The following SLC38A9 variants were observed in gnomAD, a reference collection of about 807,000 sequenced individuals.
SLC38A9 encodes the protein neutral amino acid transporter 9.
In SLC38A9, 48 loss-of-function variants were observed where a neutral mutation model predicts 62.3. That is an observed-to-expected ratio of 0.77 (90% CI 0.61 to 0.98). The LOEUF (loss-of-function observed/expected upper bound fraction) is 0.98, where lower values mean the gene tolerates loss of function less well. SLC38A9 is among the 50% of genes least tolerant of loss of function. The pLI, the probability that SLC38A9 is intolerant of heterozygous loss-of-function variation, is 0.00. For missense variants in SLC38A9, 541 were observed against 679.8 expected, an observed-to-expected ratio of 0.80 and a Z score of 2.27; for synonymous variants, 204 against 227.7, an observed-to-expected ratio of 0.90 and a Z score of 0.94.
At chr5:55,696,301 T>A (rs867365427) in intron 3 of SLC38A9, 1 of 5,478 alleles carries the variant, frequency 1.8e-4, no homozygotes, top group African/African-American at 4.3e-4. Flanking sequence ...GGGGGGCTGA[T>A]CCCCCCACCT....
At chr5:55,639,781 G>A (rs1745106590) in intron 12 of SLC38A9, among the ~76,000 whole-genome samples, 2 of 152,106 alleles carry the variant, frequency 1.3e-5, no homozygotes, top group South Asian at 2.1e-4. Flanking sequence ...CAAAAAGAGA[G>A]TATATATATT....
chr5:55,709,737 T>G (rs1323457676), intron 2 of SLC38A9, among the ~76,000 whole-genome samples: 1 of 152,180 alleles, frequency 6.6e-6, no homozygotes, highest in Non-Finnish European at 1.5e-5. Context: ...TGTATGTAAC[T>G]GAAATATATA....
intron 14 of SLC38A9, among the ~76,000 whole-genome samples, chr5:55,629,995 C>A (rs1271090645): frequency 6.6e-6 from 1 of 151,860 alleles, no homozygotes; most frequent in African/African-American, 2.4e-5. Context: ...ATCATGCATG[C>A]GTAAAAGATC....
intron 3 of SLC38A9, chr5:55,696,783 G>A (rs1435255506): frequency 1.9e-5 from 3 of 156,446 alleles, no homozygotes; most frequent in African/African-American, 7.4e-5. Context: ...CTGCCGGGTG[G>A]AGAGGCTCCT....
intron 2 of SLC38A9, among the ~76,000 whole-genome samples, chr5:55,703,528 C>T (rs1756922859): frequency 6.6e-6 from 1 of 152,076 alleles, no homozygotes; most frequent in African/African-American, 2.4e-5. Context: ...ATAATTGTTA[C>T]AAAAATCCCA....
chr5:55,678,658 T>TG lies in SLC38A9; in HGVS notation c.114-5964_114-5963insC, dbSNP rs1561397928. ...GACTGAAATGAACTTTTTTTTTTTT[T>TG]TTTTTTTTTTTTTTTTGAGACAGGG... On this transcript the variant is annotated intron_variant, in intron 3 of 15. Transcript: ENST00000396865. Among the ~76,000 whole-genome samples the TG allele has an allele frequency of 3.5e-4, 48 of 136,672 alleles. 1 individual carries two copies. Among genetic ancestry groups the TG allele is most frequent in the African/African-American group, 8.5e-4 (31 of 36,614 alleles). 89.7% of individuals were successfully genotyped at this position (136,672 alleles called of 152,430 possible). A position where few individuals can be genotyped will look rare whatever the true frequency, so the allele number is the denominator to read the frequency against.
chr5:55,683,701 T>C (rs1753367142), intron 3 of SLC38A9, among the ~76,000 whole-genome samples: 1 of 152,208 alleles, frequency 6.6e-6, no homozygotes, highest in Non-Finnish European at 1.5e-5. Flanking sequence ...CTTTGTGACA[T>C]TCACCCATAT....
At position 55,656,744 on chromosome 5, in the gene SLC38A9, G is replaced by T; in HGVS notation, c.728C>A (p.Thr243Asn). Residue 243 changes from threonine to asparagine, a missense_variant, in exon 9 of 16, where the codon ACT becomes AAT. Coordinates refer to ENST00000396865, the MANE Select transcript of SLC38A9 (RefSeq NM_173514.4). Reference protein sequence around the residue: ...NFIHHINDTDTILSTNNSNPV... With the variant: ...NFIHHINDTDNILSTNNSNPV... ...GTTGCTATTATTGGTACTCAGTATAGTGTCTGTGTCATTAATGTGATGAAT... is the reference window on the plus strand; with the variant it reads ...GTTGCTATTATTGGTACTCAGTATATTGTCTGTGTCATTAATGTGATGAAT... The T allele has an allele frequency of 3.1e-6, 5 of 1,592,338 alleles. No homozygotes were observed. Among genetic ancestry groups the T allele is most frequent in the Non-Finnish European group, 4.3e-6 (5 of 1,165,044 alleles).
chr5:55,643,599 T>C (rs911016259), intron 12 of SLC38A9, among the ~76,000 whole-genome samples: 2 of 152,238 alleles, frequency 1.3e-5, no homozygotes, highest in African/African-American at 4.8e-5. Context: ...AATCTATTTG[T>C]TCTATCAATT....
At chr5:55,641,416 C>G (rs751486685) in intron 12 of SLC38A9, among the ~76,000 whole-genome samples, 11 of 152,222 alleles carry the variant, frequency 7.2e-5, no homozygotes, top group Non-Finnish European at 1.3e-4. Context: ...CTGACAATGT[C>G]AATTCCTCTG....
chr5:55,634,989 T>TA (rs1441889894), intron 13 of SLC38A9: 2 of 151,224 alleles, frequency 1.3e-5, no homozygotes, highest in Non-Finnish European at 3.0e-5. Flanking sequence ...TTTTTTTTTT[T>TA]AACCCTCTGG....
rs376650092 is a variant in SLC38A9, at chr5:55,644,674, C to T, written c.1167+1115G>A. On this transcript the variant is annotated intron_variant, in intron 12 of 15. Coordinates refer to ENST00000396865, the MANE Select transcript of SLC38A9 (RefSeq NM_173514.4). Reference sequence around the variant, plus strand: ...TGACCTCGTGTCCACCCGCCTTGGCCTCCTGAAGTGCTGGGATTACAGGCG... The same window carrying T: ...TGACCTCGTGTCCACCCGCCTTGGCTTCCTGAAGTGCTGGGATTACAGGCG... 7.2e-5 allele frequency among the ~76,000 whole-genome samples: 11 copies of T among 152,188 alleles called. No homozygotes were observed. The South Asian group carries it at 1.2e-3, about 17-fold the overall frequency.
At chr5:55,661,395 A>G (rs2150272738) in intron 8 of SLC38A9, among the ~76,000 whole-genome samples, 1 of 133,600 alleles carries the variant, frequency 7.5e-6, no homozygotes, top group East Asian at 2.5e-4. Context: ...CAGTGAGCCG[A>G]GATCTCGCCC....
rs1414654192 is a variant in SLC38A9 at position 55,670,536 on chromosome 5, A to G, written c.247-657T>C. On this transcript the variant is annotated intron_variant, in intron 4 of 15. Transcript: ENST00000396865. ...ATAGTTTTGGGATTTTCAGAAAACG[A>G]GTGTGGATGTATACACACATTCATT... Among the ~76,000 whole-genome samples the G allele has an allele frequency of 3.3e-5, 5 of 152,192 alleles. 1 individual carries two copies. The highest frequency in any genetic ancestry group is 9.6e-5 in the African/African-American group (4 of 41,458).
chr5:55,690,153 C>T (rs10940483), intron 3 of SLC38A9, among the ~76,000 whole-genome samples: 91,133 of 151,826 alleles, frequency 0.6, 27,912 homozygotes, highest in South Asian at 0.7. Context: ...ATTTTTTTTG[C>T]TTTTGTAGAA....
At chr5:55,648,434 C>T (rs7704138) in intron 11 of SLC38A9, among the ~76,000 whole-genome samples, 90,439 of 151,922 alleles carry the variant, frequency 0.6, 27,582 homozygotes, top group South Asian at 0.7. Flanking sequence ...AAATAACAGA[C>T]TCCTTCACAA....
chr5:55,626,368 G>T lies in SLC38A9; in HGVS notation c.*126C>A. The T allele has an allele frequency of 1.1e-6, 1 of 884,656 alleles. No homozygotes were observed. Among genetic ancestry groups the T allele is most frequent in the Non-Finnish European group, 1.7e-6 (1 of 593,932 alleles). The allele number at this position is 884,656 out of a possible 1,614,324, so 54.8% of individuals were successfully genotyped here. A position where few individuals can be genotyped will look rare whatever the true frequency, so the allele number is the denominator to read the frequency against. ...TCATTAAGGGGCCACTATTTCCCTT[G>T]CTTTCAAATTATCTTAGAAAATATT... On this transcript the variant is annotated 3_prime_UTR_variant, in exon 16 of 16. Coordinates refer to ENST00000396865, the MANE Select transcript of SLC38A9 (RefSeq NM_173514.4).
At chr5:55,639,501 C>A (rs4865965) in intron 12 of SLC38A9, among the ~76,000 whole-genome samples, 82,792 of 151,678 alleles carry the variant, frequency 0.55, 23,971 homozygotes, top group South Asian at 0.65. Flanking sequence ...CTTTTGTCTT[C>A]TTTTCTATTT....
chr5:55,662,459 C>T (rs1182249560), intron 8 of SLC38A9, among the ~76,000 whole-genome samples: 2 of 152,062 alleles, frequency 1.3e-5, no homozygotes, highest in Non-Finnish European at 2.9e-5. Context: ...ATCACGACGT[C>T]AGGAGATCGA....
Sources: allele counts gnomAD v4.1 joint callset (sites outside exome capture counted in the v4.1 genomes callset), GRCh38; gene constraint gnomAD v4.1.1; transcripts MANE v1.5; gene names NCBI Gene and HGNC (gene_info 2026-07-23, HGNC 2026-07-21).